Variants in CCND2 observed in about 807,000 individuals in gnomAD.
The protein encoded by CCND2 is cyclin D2, also known as G1/S-specific cyclin-D2.
Under a neutral mutation model 30.2 loss-of-function variants are expected in CCND2, and 6 were observed. The observed-to-expected ratio is 0.20, with a 90% CI of 0.11 to 0.39. The LOEUF is 0.39. Among genes scored for constraint, CCND2 ranks in the 10% least tolerant of loss-of-function variants. CCND2 has a pLI of 1.00. For synonymous variants in CCND2, 150 were observed against 153.1 expected (o/e 0.98, Z 0.15); for missense variants, 235 against 373.4 (o/e 0.63, Z 3.06).
chr12:4,275,703 G>A (rs1382572125), intron 1 of CCND2, among the ~76,000 whole-genome samples: 1 of 150,338 alleles, frequency 6.7e-6, no homozygotes, highest in Non-Finnish European at 1.5e-5. Context: ...AGTAGCCAAA[G>A]GGAGCGTCGC....
At chr12:4,284,089 C>T (rs1335459526) in intron 3 of CCND2, among the ~76,000 whole-genome samples, 1 of 152,174 alleles carries the variant, frequency 6.6e-6, no homozygotes, top group Non-Finnish European at 1.5e-5. Flanking sequence ...CCTCCAGACG[C>T]TGGAGAGCAT....
At chr12:4,298,202 TG>T (rs1460987114) in intron 4 of CCND2, among the ~76,000 whole-genome samples, 1 of 152,188 alleles carries the variant, frequency 6.6e-6, no homozygotes, top group African/African-American at 2.4e-5. Context: ...GCAAGTATAG[TG>T]GGTGGGCAGC....
intron 3 of CCND2, among the ~76,000 whole-genome samples, chr12:4,284,744 CTT>C (rs11455398): frequency 7.2e-6 from 1 of 138,074 alleles, no homozygotes. Flanking sequence ...TTTTCTTTTT[CTT>C]TTTTTTTTTT....
intron 4 of CCND2, among the ~76,000 whole-genome samples, chr12:4,296,807 C>T (rs1864175945): frequency 6.6e-6 from 1 of 152,016 alleles, no homozygotes. Context: ...ATGGATTCTT[C>T]TTTGCAAGAA....
chr12:4,292,807 G>C (rs2120572697), intron 4 of CCND2, among the ~76,000 whole-genome samples: 1 of 152,326 alleles, frequency 6.6e-6, no homozygotes, highest in African/African-American at 2.4e-5. Context: ...AGGTTTGAGA[G>C]GGGAGGGTGC....
rs3217877 is a variant in CCND2 at position 4,292,297 on chromosome 12, CT to C, written c.720+3308del. Among the ~76,000 whole-genome samples, 590 of 152,292 alleles carry C rather than the reference CT, an allele frequency of 3.9e-3. 6 individuals are homozygous for C. The highest frequency in any genetic ancestry group is 0.014 in the African/African-American group (565 of 41,546). On this transcript the variant is annotated intron_variant, in intron 4 of 4. Coordinates refer to ENST00000261254, the MANE Select transcript of CCND2 (RefSeq NM_001759.4). ...AATACACAGGACCACATTTTGCCCCCTGGCCCTAGTGCATTGACAAACGGGA... is the reference window on the plus strand; with the variant it reads ...AATACACAGGACCACATTTTGCCCCCGGCCCTAGTGCATTGACAAACGGGA...
rs1864287997 is a variant in CCND2 at position 4,304,296 on chromosome 12, CT to C, written c.*4290del. On this transcript the variant is annotated 3_prime_UTR_variant, in exon 5 of 5. Transcript: ENST00000261254. The surrounding 1 kb of genome is among the most constrained non-coding windows in gnomAD (Gnocchi z 6.2). ...TGGCTTCTAAGCCAAAAGGATTCCT[CT>C]TTGTTTATCTCTGAGACAGTCCAAC... The C allele has an allele frequency of 4.3e-6, 1 of 233,542 alleles. No homozygotes were observed. Among genetic ancestry groups the C allele is most frequent in the South Asian group, 1.8e-4 (1 of 5,526 alleles). The allele number at this position is 233,542 out of a possible 1,614,324, so 14.5% of individuals were successfully genotyped here.
intron 2 of CCND2, 199 bp from the exon 3 acceptor site, chr12:4,278,561 G>A (rs1300998058): frequency 4.3e-6 from 2 of 465,596 alleles, no homozygotes; most frequent in Admixed American, 7.6e-5. Context: ...AGTGGAGCCT[G>A]ACATTTGAAG....
At chr12:4,286,178 T>A (rs1864020233) in intron 3 of CCND2, among the ~76,000 whole-genome samples, 1 of 152,208 alleles carries the variant, frequency 6.6e-6, no homozygotes, top group African/African-American at 2.4e-5. Flanking sequence ...CTTAACGACA[T>A]ACGGTGAGCC....
intron 4 of CCND2, among the ~76,000 whole-genome samples, chr12:4,296,837 CAG>C (rs1937598522): frequency 6.6e-6 from 1 of 152,110 alleles, no homozygotes; most frequent in South Asian, 2.1e-4. Flanking sequence ...AACAAAAAAA[CAG>C]AGAAAGAAGA....
At chr12:4,295,770 G>A (rs769142586) in intron 4 of CCND2, among the ~76,000 whole-genome samples, 1 of 152,180 alleles carries the variant, frequency 6.6e-6, no homozygotes, top group Non-Finnish European at 1.5e-5. Context: ...GTGAGACTCC[G>A]TCTCAAAAAA....
At chr12:4,286,698 G>T (rs1209977238) in intron 3 of CCND2, among the ~76,000 whole-genome samples, 1 of 152,244 alleles carries the variant, frequency 6.6e-6, no homozygotes, top group African/African-American at 2.4e-5. Context: ...CAAAAAGGGA[G>T]GTAGAGTCTC....
chr12:4,296,526 A>G (rs902009651), intron 4 of CCND2, among the ~76,000 whole-genome samples: 2 of 152,258 alleles, frequency 1.3e-5, no homozygotes, highest in African/African-American at 4.8e-5. Context: ...ACGCACACAC[A>G]CGCAAGTTCC....
rs1864123832 is a variant in CCND2, at chr12:4,293,227, T to C, written c.720+4237T>C. Among the ~76,000 whole-genome samples the C allele has an allele frequency of 6.6e-6, 1 of 152,188 alleles. No individual in the cohort carries two copies. The highest frequency in any genetic ancestry group is 2.1e-4 in the South Asian group (1 of 4,828). ...GTTAAATGAAGTGGCTTCATTTTCA[T>C]ATGACACAGTTGCACAAATTCACTA... On this transcript the variant is annotated intron_variant, in intron 4 of 4. Transcript: ENST00000261254. The surrounding 1 kb of genome is among the most constrained non-coding windows in gnomAD (Gnocchi z 4.9).
intron 3 of CCND2, among the ~76,000 whole-genome samples, chr12:4,283,892 C>T (rs900593425): frequency 6.6e-6 from 1 of 152,238 alleles, no homozygotes; most frequent in African/African-American, 2.4e-5. Context: ...TGGGGCTGCA[C>T]TTTCTCCCAG....
rs1457342928 is a variant in CCND2, at chr12:4,293,423, A to C, written c.720+4433A>C. On this transcript the variant is annotated intron_variant, in intron 4 of 4. Coordinates refer to ENST00000261254, the MANE Select transcript of CCND2 (RefSeq NM_001759.4). The surrounding 1 kb of genome is among the most constrained non-coding windows in gnomAD (Gnocchi z 4.9). ...TTAAAAACAAAAAGCAAAAAACAAA[A>C]CTTTAGATTCAGGGGATCCATGTGC... Among the ~76,000 whole-genome samples, 1 of 152,150 alleles carries C rather than the reference A, an allele frequency of 6.6e-6. No homozygotes were observed. The highest frequency in any genetic ancestry group is 2.4e-5 in the African/African-American group (1 of 41,420).
Position 4,300,414 on chromosome 12 carries a change from C to A in CCND2, c.*405C>A. ...CCCCTTGTAGTATAATTTCAAGGAA[C>A]TGTGTACGCCATTTATGGCATGATT... On this transcript the variant is annotated 3_prime_UTR_variant, in exon 5 of 5. Transcript: ENST00000261254. 4.2e-6 allele frequency: 1 copy of A among 239,732 alleles called. No homozygotes were observed. The highest frequency in any genetic ancestry group is 8.2e-6 in the Non-Finnish European group (1 of 121,906). 14.9% of individuals were successfully genotyped at this position (239,732 alleles called of 1,614,324 possible).
In CCND2 at chr12:4,293,932, A is replaced by G. The variant is rs1011354603; in HGVS notation, c.720+4942A>G. ...GGCTGATGCCTCCCTCTCCTGCCTC[A>G]TTTTTCTGTGGGCCTCATTTGGTAT... On this transcript the variant is annotated intron_variant, in intron 4 of 4. Coordinates refer to ENST00000261254, the MANE Select transcript of CCND2 (RefSeq NM_001759.4). The surrounding 1 kb of genome is among the most constrained non-coding windows in gnomAD (Gnocchi z 4.9). Among the ~76,000 whole-genome samples, 6 of 152,108 alleles carry G rather than the reference A, an allele frequency of 3.9e-5. No individual in the cohort carries two copies. In the East Asian group the frequency reaches 1.2e-3, roughly 29 times the overall value.
chr12:4,299,800 G>A lies in CCND2; in HGVS notation c.721-60G>A, dbSNP rs137861854. On this transcript the variant is annotated intron_variant, in intron 4 of 4. Transcript: ENST00000261254. The surrounding 1 kb of genome is among the most constrained non-coding windows in gnomAD (Gnocchi z 5.2). ...AAGCTAAATTACGCATGTTTTCTCC[G>A]TAGGATGCTCTATGTCCTGTTCCTC... The A allele has an allele frequency of 3.0e-4, 455 of 1,499,016 alleles. 3 individuals carry two copies. The African/African-American group carries it at 4.1e-3, about 14-fold the overall frequency. 92.9% of individuals were successfully genotyped at this position (1,499,016 alleles called of 1,614,324 possible).
Sources: gnomAD v4.1 joint callset for allele counts (sites outside exome capture counted in the v4.1 genomes callset) on GRCh38, gnomAD v4.1.1 for gene constraint, Gnocchi (gnomAD v3.1) non-coding constraint, MANE v1.5 for transcripts, NCBI Gene and HGNC (gene_info 2026-07-23, HGNC 2026-07-21) for gene names.